The following PCDH15 variants were observed in gnomAD, a reference collection of about 807,000 sequenced individuals.
PCDH15 encodes the protein protocadherin related 15.
PCDH15 carries 129 observed loss-of-function variants against 178.5 expected under a neutral mutation model. The observed-to-expected ratio is 0.72, with a 90% CI of 0.63 to 0.84. The LOEUF is 0.84. Among genes scored for constraint, PCDH15 ranks in the 40% least tolerant of loss-of-function variants. The pLI is 0.00. For synonymous variants in PCDH15, 800 were observed against 732.0 expected, an observed-to-expected ratio of 1.09 and a Z score of -1.50; for missense variants, 2,230 against 2,099.9, an observed-to-expected ratio of 1.06 and a Z score of -1.21.
chr10:54,886,268 AACG>A (rs1954357710), intron 3 of PCDH15, among the ~76,000 whole-genome samples: 1 of 152,178 alleles, frequency 6.6e-6, no homozygotes, highest in Non-Finnish European at 1.5e-5. Context: ...ATTTTTTAAA[AACG>A]AATTTTCCAC....
chr10:53,984,556 A>G (rs1362385877), intron 21 of PCDH15, among the ~76,000 whole-genome samples: 1 of 152,162 alleles, frequency 6.6e-6, no homozygotes, highest in African/African-American at 2.4e-5. Context: ...TATATAATAG[A>G]ATCTCTTTAA....
intron 3 of PCDH15, among the ~76,000 whole-genome samples, chr10:54,513,995 G>A (rs930173177): frequency 6.6e-6 from 1 of 152,168 alleles, no homozygotes; most frequent in Non-Finnish European, 1.5e-5. Flanking sequence ...CTTCTCCCTA[G>A]AGCATGGCTT....
At chr10:55,214,961 A>G (rs767237281) in intron 1 of PCDH15, among the ~76,000 whole-genome samples, 5 of 152,258 alleles carry the variant, frequency 3.3e-5, no homozygotes, top group Middle Eastern at 6.8e-3. Context: ...AATTTGAGAG[A>G]GAACTCTTCT....
At chr10:54,243,673 T>C (rs950920971) in intron 8 of PCDH15, among the ~76,000 whole-genome samples, 8 of 152,194 alleles carry the variant, frequency 5.3e-5, no homozygotes, top group Non-Finnish European at 1.2e-4. Context: ...CACATTCATA[T>C]AGACATAAAT....
At chr10:54,779,406 G>A (rs866116333) in intron 1 of PCDH15, among the ~76,000 whole-genome samples, 3 of 107,004 alleles carry the variant, frequency 2.8e-5, no homozygotes, top group African/African-American at 7.9e-5. Flanking sequence ...ATATATATAT[G>A]TATATATATA....
At chr10:54,666,155 G>T (rs1272385773) in intron 1 of PCDH15, among the ~76,000 whole-genome samples, 1 of 38,014 alleles carries the variant, frequency 2.6e-5, no homozygotes, top group Admixed American at 1.5e-4. Context: ...ACCCCCTAAA[G>T]CTTAATATGA....
intron 3 of PCDH15, among the ~76,000 whole-genome samples, chr10:54,512,016 G>C (rs995190474): frequency 1.3e-5 from 2 of 151,952 alleles, no homozygotes; most frequent in Admixed American, 6.6e-5. Flanking sequence ...TGAAAACCCA[G>C]AGATTTCATC....
chr10:54,878,461 C>T (rs1954194643), intron 3 of PCDH15, among the ~76,000 whole-genome samples: 2 of 152,138 alleles, frequency 1.3e-5, no homozygotes, highest in East Asian at 3.9e-4. Context: ...CTAGAACTGT[C>T]CTCCATTTCT....
intron 27 of PCDH15, among the ~76,000 whole-genome samples, chr10:53,865,953 G>A (rs554559352): frequency 6.6e-6 from 1 of 152,198 alleles, no homozygotes; most frequent in Non-Finnish European, 1.5e-5. Flanking sequence ...CTTTCAAGTT[G>A]GTAAAGAGTC....
intron 21 of PCDH15, among the ~76,000 whole-genome samples, chr10:53,991,958 C>T (rs895953568): frequency 3.3e-5 from 5 of 152,070 alleles, no homozygotes; most frequent in Non-Finnish European, 5.9e-5. Flanking sequence ...GCAACCCGCT[C>T]GGGTCCCCTT....
At chr10:53,982,876 T>C (rs2090782660) in intron 21 of PCDH15, among the ~76,000 whole-genome samples, 1 of 151,906 alleles carries the variant, frequency 6.6e-6, no homozygotes, top group Non-Finnish European at 1.5e-5. Flanking sequence ...ATTAGGTCCT[T>C]AGTATCAGGG....
At chr10:54,674,959 A>T (rs958770202) in intron 1 of PCDH15, among the ~76,000 whole-genome samples, 1 of 152,066 alleles carries the variant, frequency 6.6e-6, no homozygotes, top group African/African-American at 2.4e-5. Flanking sequence ...CACAAAGACT[A>T]TGCTTCACGA....
intron 18 of PCDH15, among the ~76,000 whole-genome samples, chr10:54,035,711 A>T (rs2093401185): frequency 6.6e-6 from 1 of 151,930 alleles, no homozygotes; most frequent in Admixed American, 6.6e-5. Context: ...CTAAGTGTTT[A>T]AGTGAAAGAG....
chr10:54,238,088 TC>T (rs1266113092), intron 8 of PCDH15, among the ~76,000 whole-genome samples: 1 of 152,130 alleles, frequency 6.6e-6, no homozygotes. Context: ...AAAGGGTAAT[TC>T]TAAAGGGAAA....
At chr10:55,607,618 A>C (rs1843253380) in intron 2 of PCDH15, among the ~76,000 whole-genome samples, 1 of 148,446 alleles carries the variant, frequency 6.7e-6, no homozygotes, top group Non-Finnish European at 1.5e-5. Flanking sequence ...TGAAATTGGA[A>C]ATCATCATTC....
At chr10:55,401,633 T>G (rs1291194208) in intron 2 of PCDH15, among the ~76,000 whole-genome samples, 1 of 151,264 alleles carries the variant, frequency 6.6e-6, no homozygotes, top group Non-Finnish European at 1.5e-5. Flanking sequence ...TGTGTGTGTG[T>G]GTGTAGTGAG....
intron 2 of PCDH15, among the ~76,000 whole-genome samples, chr10:55,442,393 C>G (rs1417103865): frequency 6.9e-6 from 1 of 144,314 alleles, no homozygotes; most frequent in Non-Finnish European, 1.5e-5. Context: ...ACCAAAAAGG[C>G]AATGTTTATT....
chr10:55,410,141 A>C (rs1310477005), intron 2 of PCDH15, among the ~76,000 whole-genome samples: 1 of 152,148 alleles, frequency 6.6e-6, no homozygotes, highest in East Asian at 1.9e-4. Context: ...TCTCCCTATT[A>C]GGTACTTACA....
At chr10:55,593,078 T>C (rs994875672) in intron 2 of PCDH15, among the ~76,000 whole-genome samples, 3 of 152,012 alleles carry the variant, frequency 2.0e-5, no homozygotes, top group African/African-American at 7.2e-5. Flanking sequence ...CTGAAATAAA[T>C]CTAAATGTCC....
Sources: gnomAD v4.1 joint callset for allele counts (sites outside exome capture counted in the v4.1 genomes callset) on GRCh38, gnomAD v4.1.1 for gene constraint, MANE v1.5 for transcripts, NCBI Gene and HGNC (gene_info 2026-07-23, HGNC 2026-07-21) for gene names.